LMBRD1: variants seen among roughly 807,000 people sequenced by gnomAD.
LMBRD1 encodes the protein lysosomal cobalamin transport escort protein LMBD1.
Under a neutral mutation model 74.8 loss-of-function variants are expected in LMBRD1, and 64 were observed. That is an observed-to-expected ratio of 0.86 (90% CI 0.70 to 1.05). The LOEUF (loss-of-function observed/expected upper bound fraction) is 1.05, where lower values mean the gene tolerates loss of function less well. Ranked by LOEUF, LMBRD1 falls within the 50% of genes least tolerant of loss-of-function variation. The probability of loss-of-function intolerance (pLI) is 0.00; values close to 1 mark genes in which losing one functional copy is unlikely to be tolerated. For synonymous variants in LMBRD1, 204 were observed against 216.3 expected (o/e 0.94, Z 0.50); for missense variants, 652 against 645.9 (o/e 1.01, Z -0.10).
chr6:69,718,371 A>G (rs1450547933), intron 8 of LMBRD1, among the ~76,000 whole-genome samples: 1 of 152,212 alleles, frequency 6.6e-6, no homozygotes, highest in Non-Finnish European at 1.5e-5. Context: ...TTTAAGTGTT[A>G]GAACAATGAT....
chr6:69,729,261 G>C (rs1489938617), intron 7 of LMBRD1, among the ~76,000 whole-genome samples: 1 of 147,154 alleles, frequency 6.8e-6, no homozygotes, highest in Admixed American at 6.9e-5. Context: ...ATGCCCTTCA[G>C]GTCTCGGTTT....
intron 14 of LMBRD1, among the ~76,000 whole-genome samples, chr6:69,682,438 T>A (rs1273439347): frequency 6.6e-6 from 1 of 151,974 alleles, no homozygotes; most frequent in Non-Finnish European, 1.5e-5. Context: ...TCTGGTTATA[T>A]TTAAATAAGT....
chr6:69,790,755 A>T lies in LMBRD1; in HGVS notation c.70-283T>A, dbSNP rs181257511. 239 of 414,532 alleles carry T rather than the reference A, an allele frequency of 5.8e-4. 1 individual carries two copies. Among genetic ancestry groups the T allele is most frequent in the African/African-American group, 4.6e-3 (226 of 49,362 alleles). The allele number at this position is 414,532 out of a possible 1,614,324, so 25.7% of individuals were successfully genotyped here. A position where few individuals can be genotyped will look rare whatever the true frequency, so the allele number is the denominator to read the frequency against. ...ACACAGTGCAAACGTTAATGGTTTC[A>T]CACATCACAGTTATAACTAGCTTTG... is the stretch of plus-strand genomic sequence containing the variant. On this transcript the variant is annotated intron_variant, in intron 1 of 15. Transcript: ENST00000649934.
At chr6:69,724,220 C>T (rs567456502) in intron 7 of LMBRD1, among the ~76,000 whole-genome samples, 19 of 151,430 alleles carry the variant, frequency 1.3e-4, no homozygotes, top group Non-Finnish European at 1.9e-4. Context: ...GATCCACTGC[C>T]GAATTCTATC....
intron 4 of LMBRD1, among the ~76,000 whole-genome samples, chr6:69,750,425 GA>G (rs1226433301): frequency 2.0e-5 from 3 of 151,888 alleles, no homozygotes; most frequent in African/African-American, 7.2e-5. Flanking sequence ...CAAAGGCTAA[GA>G]AAAGCAAATA....
chr6:69,726,566 T>A (rs1766740183), intron 7 of LMBRD1, among the ~76,000 whole-genome samples: 2 of 152,214 alleles, frequency 1.3e-5, no homozygotes. Flanking sequence ...TAAGATTCTG[T>A]CATTTGCAAC....
At chr6:69,687,592 G>T (rs1035483854) in intron 14 of LMBRD1, among the ~76,000 whole-genome samples, 1 of 152,020 alleles carries the variant, frequency 6.6e-6, no homozygotes, top group African/African-American at 2.4e-5. Context: ...AGAATTTCAC[G>T]ACTAACAGGA....
intron 3 of LMBRD1, among the ~76,000 whole-genome samples, chr6:69,774,169 T>C (rs889747557): frequency 6.6e-6 from 1 of 152,190 alleles, no homozygotes; most frequent in African/African-American, 2.4e-5. Context: ...TGACAGTGAT[T>C]AAGTCTCACG....
In LMBRD1 at chr6:69,676,204, T is replaced by C. The variant is rs761378514; in HGVS notation, c.1577A>G (p.Glu526Gly). 1.2e-6 allele frequency: 2 copies of C among 1,613,448 alleles called. No homozygotes were observed. Among genetic ancestry groups the C allele is most frequent in the Non-Finnish European group, 1.7e-6 (2 of 1,179,642 alleles). ...CTCATCATCACTTATGTCTGAATCT[T>C]CATCTACTCCTTCAATAACCGATTT... is the stretch of plus-strand genomic sequence containing the variant. ...GKKSVIEGVD[E>G]DSDISDDEPS... is the part of the protein sequence containing the mutation. The change falls in exon 16 of 16, where the codon GAA becomes GGA. Residue 526 changes from glutamate to glycine, a missense_variant. Around this residue, in one of 3 missense-constraint regions of LMBRD1, gnomAD observed 51 missense variants for 46.9 expected, o/e 1.09. Transcript: ENST00000649934.
chr6:69,691,710 A>T (rs1251466418), intron 14 of LMBRD1, among the ~76,000 whole-genome samples: 1 of 151,998 alleles, frequency 6.6e-6, no homozygotes, highest in Non-Finnish European at 1.5e-5. Flanking sequence ...CCCTGTCTCT[A>T]CTAAAAATAC....
chr6:69,784,166 A>C (rs1001317856), intron 2 of LMBRD1, among the ~76,000 whole-genome samples: 6 of 152,256 alleles, frequency 3.9e-5, no homozygotes, highest in Non-Finnish European at 8.8e-5. Context: ...TATGTTTTAT[A>C]AACTATTGCC....
At chr6:69,765,378 A>G (rs1765457609) in intron 3 of LMBRD1, among the ~76,000 whole-genome samples, 1 of 152,160 alleles carries the variant, frequency 6.6e-6, no homozygotes, top group Non-Finnish European at 1.5e-5. Flanking sequence ...ATTGAATGGA[A>G]TTAAACTGAA....
chr6:69,697,736 C>CAGT, intron 13 of LMBRD1, 95 bp from the exon 14 acceptor site: 2 of 678,438 alleles, frequency 2.9e-6, no homozygotes, highest in Non-Finnish European at 5.1e-6. Context: ...ACTCTGTATA[C>CAGT]TAACTACATC....
chr6:69,765,576 T>A (rs1434307407), intron 3 of LMBRD1, among the ~76,000 whole-genome samples: 1 of 152,200 alleles, frequency 6.6e-6, no homozygotes, highest in Non-Finnish European at 1.5e-5. Context: ...TCCAAAATGT[T>A]TTTTGGCTAC....
At chr6:69,731,170 G>A (rs1054235074) in intron 7 of LMBRD1, among the ~76,000 whole-genome samples, 3 of 152,072 alleles carry the variant, frequency 2.0e-5, no homozygotes, top group Non-Finnish European at 4.4e-5. Flanking sequence ...AGGGAGTAGG[G>A]AGGGGAGATG....
chr6:69,749,851 T>C (rs1434721398), intron 4 of LMBRD1, among the ~76,000 whole-genome samples: 2 of 147,638 alleles, frequency 1.4e-5, no homozygotes, highest in Non-Finnish European at 3.0e-5. Context: ...TATATATACA[T>C]ACTCATATAT....
At chr6:69,679,312 C>G (rs1006717543) in intron 14 of LMBRD1, among the ~76,000 whole-genome samples, 3 of 152,134 alleles carry the variant, frequency 2.0e-5, no homozygotes, top group Non-Finnish European at 4.4e-5. Flanking sequence ...CAGCTTTACA[C>G]TAGGTGCTGG....
chr6:69,756,397 T>C (rs1195558198), intron 3 of LMBRD1, among the ~76,000 whole-genome samples: 5 of 151,118 alleles, frequency 3.3e-5, no homozygotes, highest in Non-Finnish European at 5.9e-5. Context: ...ATATATACAT[T>C]GGTCAACAAG....
chr6:69,725,614 G>A (rs1376190801), intron 7 of LMBRD1, among the ~76,000 whole-genome samples: 2 of 152,114 alleles, frequency 1.3e-5, no homozygotes, highest in African/African-American at 4.8e-5. Flanking sequence ...TGACAAAGGT[G>A]CCAAGAACAT....
Sources: gnomAD v4.1 joint callset for allele counts (sites outside exome capture counted in the v4.1 genomes callset) on GRCh38, gnomAD v4.1.1 for gene constraint, gnomAD v4.1.1 regional missense constraint, MANE v1.5 for transcripts, NCBI Gene and HGNC (gene_info 2026-07-23, HGNC 2026-07-21) for gene names.